Variants in SOD2 observed in about 807,000 individuals in gnomAD.
SOD2 encodes the protein superoxide dismutase 2.
In SOD2, 11 loss-of-function variants were observed where a neutral mutation model predicts 27.0. That is an observed-to-expected ratio of 0.41 (90% CI 0.26 to 0.67). SOD2 has a LOEUF of 0.67. Ranked by LOEUF, SOD2 falls within the 30% of genes least tolerant of loss-of-function variation. The probability of loss-of-function intolerance (pLI) is 0.34; values close to 1 mark genes in which losing one functional copy is unlikely to be tolerated. For synonymous variants in SOD2, 105 were observed against 103.0 expected (o/e 1.02, Z -0.12); for missense variants, 250 against 274.5 (o/e 0.91, Z 0.63).
chr6:159,760,492 A>G (rs1780101376), intron 1 of SOD2: 1 of 152,236 alleles, frequency 6.6e-6, no homozygotes, highest in Non-Finnish European at 1.5e-5. Context: ...GCTGGTGTCA[A>G]ACTGCTGACC....
chr6:159,747,375 C>T (rs1047970315), upstream of SOD2, among the ~76,000 whole-genome samples: 2 of 152,108 alleles, frequency 1.3e-5, no homozygotes, highest in Non-Finnish European at 2.9e-5. Flanking sequence ...CGCTATGGCA[C>T]TGAACTAAAC....
At chr6:159,706,006 C>G (rs1286822973) in intron 1 of SOD2, among the ~76,000 whole-genome samples, 1 of 152,160 alleles carries the variant, frequency 6.6e-6, no homozygotes, top group African/African-American at 2.4e-5. Flanking sequence ...AATTTCATAT[C>G]CAGCCAAACT....
At chr6:159,683,827 G>C (rs550785738) in intron 4 of SOD2, among the ~76,000 whole-genome samples, 2 of 152,094 alleles carry the variant, frequency 1.3e-5, no homozygotes, top group Non-Finnish European at 2.9e-5. Flanking sequence ...TGTCCCAAAA[G>C]AGCTGTTCAG....
chr6:159,683,435 A>C (rs1780046926), intron 4 of SOD2, among the ~76,000 whole-genome samples: 1 of 152,184 alleles, frequency 6.6e-6, no homozygotes, highest in African/African-American at 2.4e-5. Flanking sequence ...TAGTGAGCCA[A>C]GATTGCGCCA....
At chr6:159,755,317 C>G in intron 1 of SOD2, 1 of 1,614,206 alleles carries the variant, frequency 6.2e-7, no homozygotes, top group Non-Finnish European at 8.5e-7. Context: ...GCAACACAAC[C>G]GAAGATGACT....
At chr6:159,725,494 A>AT (rs1192657689) in intron 1 of SOD2, 1 of 151,452 alleles carries the variant, frequency 6.6e-6, no homozygotes, top group African/African-American at 2.4e-5. Flanking sequence ...AAAAAAAAAA[A>AT]ACCCAAAGAA....
intron 1 of SOD2, among the ~76,000 whole-genome samples, chr6:159,704,248 C>A (rs1310276498): frequency 1.3e-5 from 2 of 152,306 alleles, no homozygotes; most frequent in Admixed American, 6.5e-5. Flanking sequence ...GTACTGGGTT[C>A]ATCTCACTGG....
At chr6:159,700,240 A>C (rs1459776421) in intron 1 of SOD2, among the ~76,000 whole-genome samples, 1 of 152,194 alleles carries the variant, frequency 6.6e-6, no homozygotes, top group Non-Finnish European at 1.5e-5. Context: ...GGTGTCTTTA[A>C]ATGCCACTCC....
chr6:159,734,754 T>C (rs1218764635), intron 1 of SOD2, among the ~76,000 whole-genome samples: 1 of 152,240 alleles, frequency 6.6e-6, no homozygotes, highest in African/African-American at 2.4e-5. Context: ...AAAAGAGCAC[T>C]GGTACTCAGA....
upstream of SOD2, chr6:159,727,421 C>T (rs1778250671): frequency 5.1e-6 from 5 of 982,540 alleles, no homozygotes; most frequent in Admixed American, 6.0e-5. Context: ...CGCTGGCCTG[C>T]GGCGCGTTCG....
At position 159,711,986 on chromosome 6, in the gene SOD2, A is replaced by G. The variant is rs550617233; in HGVS notation, c.-116+15143T>C. On this transcript the variant is annotated intron_variant, in intron 1 of 2. Transcript: ENST00000401980. ...AACCACCTCCATAACCACCACTCAC[A>G]CTGCTCAGACCTCCATAACCACCTC... Among the ~76,000 whole-genome samples the G allele has an allele frequency of 3.7e-3, 331 of 89,612 alleles. 5 individuals carry two copies. The highest frequency in any genetic ancestry group is 0.014 in the African/African-American group (275 of 19,930). The allele number at this position is 89,612 out of a possible 152,430, so 58.8% of individuals were successfully genotyped here.
rs1011687588 is a variant in SOD2, at chr6:159,678,166, A to G, written c.*4327T>C. The G allele has an allele frequency of 1.3e-5, 2 of 152,276 alleles. No individual in the cohort carries two copies. The highest frequency in any genetic ancestry group is 1.5e-5 in the Non-Finnish European group (1 of 68,108). 9.4% of individuals were successfully genotyped at this position (152,276 alleles called of 1,614,324 possible). A position where few individuals can be genotyped will look rare whatever the true frequency, so the allele number is the denominator to read the frequency against. On this transcript the variant is annotated 3_prime_UTR_variant, in exon 5 of 5. Coordinates refer to ENST00000538183, the MANE Select transcript of SOD2 (RefSeq NM_000636.4). ...GACGTGGAGAGAGCATGAAAGCTCC[A>G]TACCCCTTCCCACATGCCTTGCCCT...
At chr6:159,708,535 T>A (rs1474012932) in intron 1 of SOD2, among the ~76,000 whole-genome samples, 1 of 152,108 alleles carries the variant, frequency 6.6e-6, no homozygotes, top group African/African-American at 2.4e-5. Context: ...TCAAAGAGAA[T>A]AAAATACCTA....
At chr6:159,722,478 C>T (rs1778060733) in intron 1 of SOD2, among the ~76,000 whole-genome samples, 1 of 152,184 alleles carries the variant, frequency 6.6e-6, no homozygotes, top group Admixed American at 6.5e-5. Context: ...GTAATAGACA[C>T]TACCAATGAT....
At chr6:159,737,725 C>A (rs1779007490) in intron 1 of SOD2, among the ~76,000 whole-genome samples, 1 of 152,022 alleles carries the variant, frequency 6.6e-6, no homozygotes, top group East Asian at 1.9e-4. Context: ...CTCCCGAGTT[C>A]AAGATATACT....
intron 1 of SOD2, among the ~76,000 whole-genome samples, chr6:159,732,521 T>G (rs1359522291): frequency 3.3e-5 from 5 of 152,220 alleles, no homozygotes; most frequent in African/African-American, 9.6e-5. Flanking sequence ...GCTAAAATTG[T>G]CTTTAAGATT....
chr6:159,723,751 C>CT (rs67149731), intron 1 of SOD2, among the ~76,000 whole-genome samples: 5 of 151,688 alleles, frequency 3.3e-5, no homozygotes, highest in Non-Finnish European at 7.4e-5. Context: ...AGAACTAGGA[C>CT]TTTTTTTTGC....
At chr6:159,710,961 A>T (rs1432633731) in intron 1 of SOD2, among the ~76,000 whole-genome samples, 1 of 122,384 alleles carries the variant, frequency 8.2e-6, no homozygotes, top group Non-Finnish European at 1.8e-5. Context: ...CACTGCTCTG[A>T]CCTCCATAAC....
chr6:159,748,979 C>G (rs931322968), upstream of SOD2: 18 of 1,046,618 alleles, frequency 1.7e-5, no homozygotes, highest in South Asian at 9.2e-5. This position sits in a 1 kb window ranked among gnomAD's most constrained non-coding sequence, Gnocchi z 5.6. Flanking sequence ...AACCAACTTT[C>G]AATAGTCATG....
Sources: allele counts gnomAD v4.1 joint callset (sites outside exome capture counted in the v4.1 genomes callset), GRCh38; gene constraint gnomAD v4.1.1; non-coding constraint Gnocchi (gnomAD v3.1); transcripts MANE v1.5; gene names NCBI Gene and HGNC (gene_info 2026-07-23, HGNC 2026-07-21).